Variants in PANK2 observed in about 807,000 individuals in gnomAD.
PANK2 encodes pantothenate kinase 2.
A neutral mutation model predicts 43.1 loss-of-function variants in PANK2; 36 were observed. The observed-to-expected ratio is 0.84, with a 90% CI of 0.64 to 1.10. The LOEUF (loss-of-function observed/expected upper bound fraction) is 1.10. Ranked by LOEUF, PANK2 falls within the 50% of genes least tolerant of loss-of-function variation. The pLI, the probability that PANK2 is intolerant of heterozygous loss-of-function variation, is 0.00. For synonymous variants in PANK2, 281 were observed against 238.2 expected, an observed-to-expected ratio of 1.18 and a Z score of -1.66; for missense variants, 576 against 593.3, an observed-to-expected ratio of 0.97 and a Z score of 0.30.
chr20:3,910,851 A>C, intron 3 of PANK2, 21 bp downstream of exon 3: 1 of 1,613,680 alleles, frequency 6.2e-7, no homozygotes, highest in Non-Finnish European at 8.5e-7. Context: ...TATAAAACTC[A>C]CTGTTTATTC....
intron 1 of PANK2, among the ~76,000 whole-genome samples, chr20:3,894,574 TTTTATTTA>T (rs554354693): frequency 3.2e-4 from 48 of 150,970 alleles, no homozygotes; most frequent in African/African-American, 1.1e-3. Context: ...TTTATCAACT[TTTTATTTA>T]TTTATTTATT....
At chr20:3,916,869 T>C in intron 4 of PANK2, 58 bp from the exon 5 acceptor site, 1 of 1,609,860 alleles carries the variant, frequency 6.2e-7, no homozygotes, top group Non-Finnish European at 8.5e-7. Context: ...AACATTCAAG[T>C]TCTGTTGGGC....
rs528149001 is a variant in PANK2 at position 3,889,480 on chromosome 20, G to C, written c.50G>C (p.Gly17Ala). ...CGACTGCTGCTGCGGATGGGAGGGG[G>C]CCGGCTCGGCGCGCCCATGGAGCGC... Residue 17 changes from glycine to alanine, a missense_variant, in exon 1 of 7, where the codon GGC (glycine) becomes GCC (alanine). Gly to Ala is a moderately conservative substitution (Grantham distance 60). This residue lies in a region of PANK2 where 544 missense variants were observed against 528.9 expected (regional missense o/e 1.03). Transcript: ENST00000610179. 3.3e-6 allele frequency: 5 copies of C among 1,493,914 alleles called. No individual in the cohort carries two copies. Among genetic ancestry groups the C allele is most frequent in the Non-Finnish European group, 4.4e-6 (5 of 1,131,138 alleles). 92.5% of individuals were successfully genotyped at this position (1,493,914 alleles called of 1,614,324 possible).
chr20:3,905,045 C>T lies in PANK2; in HGVS notation c.299-2881C>T, dbSNP rs77462853. Among the ~76,000 whole-genome samples the T allele has an allele frequency of 2.7e-3, 411 of 152,234 alleles. 9 individuals are homozygous for T. The East Asian group carries it at 0.047, about 18-fold the overall frequency. ...TGAGTGCCATCCTGATTCTGGGGCT[C>T]CAGTGCCTGTTTCCAGTGAAGACTT... On this transcript the variant is annotated intron_variant, in intron 1 of 6. Transcript: ENST00000610179.
At position 3,910,304 on chromosome 20, in the gene PANK2, T is replaced by TG. The variant is rs201525719; in HGVS notation, c.652-273_652-272insG. ...GTTGATAAATGCTGTGGTTTTTTTTTTTTGTTTTTTTTGTTTTTTTTTTGG... is the reference window on the plus strand; with the variant it reads ...GTTGATAAATGCTGTGGTTTTTTTTTGTTTGTTTTTTTTGTTTTTTTTTTGG... On this transcript the variant is annotated intron_variant, in intron 2 of 6. Transcript: ENST00000610179. 0.019 allele frequency among the ~76,000 whole-genome samples: 2,885 copies of TG among 151,026 alleles called. 59 individuals carry two copies. The highest frequency in any genetic ancestry group is 0.023 in the Non-Finnish European group (1,576 of 67,876).
intron 4 of PANK2, among the ~76,000 whole-genome samples, chr20:3,916,183 A>G (rs2090557030): frequency 6.6e-6 from 1 of 152,142 alleles, no homozygotes; most frequent in Non-Finnish European, 1.5e-5. Flanking sequence ...TATATCCGTA[A>G]GTGTTTTATT....
intron 1 of PANK2, among the ~76,000 whole-genome samples, chr20:3,899,099 C>G (rs1218232587): frequency 6.6e-6 from 1 of 151,722 alleles, no homozygotes; most frequent in African/African-American, 2.4e-5. Context: ...TGGTCTCAAA[C>G]TCCTGACCCC....
At chr20:3,893,564 G>C (rs773631268) in intron 1 of PANK2, among the ~76,000 whole-genome samples, 17 of 152,182 alleles carry the variant, frequency 1.1e-4, no homozygotes, top group Non-Finnish European at 2.1e-4. Flanking sequence ...CCACAGTAGT[G>C]TGGACAACAA....
At chr20:3,919,187 C>G (rs1466586355) in intron 6 of PANK2, among the ~76,000 whole-genome samples, 1 of 152,188 alleles carries the variant, frequency 6.6e-6, no homozygotes, top group Non-Finnish European at 1.5e-5. Flanking sequence ...TCCAGGATTA[C>G]AGGTGTGAAC....
intron 1 of PANK2, among the ~76,000 whole-genome samples, chr20:3,892,229 A>G (rs989180762): frequency 1.3e-5 from 2 of 152,098 alleles, no homozygotes; most frequent in Non-Finnish European, 2.9e-5. Context: ...CTGTAATCCC[A>G]GCTACTCAGG....
intron 4 of PANK2, among the ~76,000 whole-genome samples, chr20:3,914,051 AG>A (rs2090519627): frequency 6.6e-6 from 1 of 151,932 alleles, no homozygotes; most frequent in African/African-American, 2.4e-5. Flanking sequence ...GGCCTCCCAA[AG>A]TGCTGGGATT....
chr20:3,911,747 C>G (rs1015052825), intron 3 of PANK2, among the ~76,000 whole-genome samples: 1 of 152,062 alleles, frequency 6.6e-6, no homozygotes, highest in Admixed American at 6.6e-5. Flanking sequence ...CAAAATTAGC[C>G]GGGCGTGGTG....
At chr20:3,909,278 C>T (rs2090433068) in intron 2 of PANK2, among the ~76,000 whole-genome samples, 2 of 152,092 alleles carry the variant, frequency 1.3e-5, no homozygotes, top group Non-Finnish European at 2.9e-5. Flanking sequence ...CAGGGTTTCT[C>T]CATGTTGGTC....
intron 1 of PANK2, among the ~76,000 whole-genome samples, chr20:3,901,345 G>C (rs2090298160): frequency 6.6e-6 from 1 of 150,750 alleles, no homozygotes; most frequent in South Asian, 2.1e-4. Context: ...ACCACACCTG[G>C]CTGTTTTGTA....
upstream of PANK2, chr20:3,889,170 C>A (rs377348840): frequency 1.2e-6 from 2 of 1,605,164 alleles, no homozygotes; most frequent in South Asian, 2.2e-5. Context: ...TTCTGGGCTA[C>A]ACCGCCTTCT....
intron 2 of PANK2, among the ~76,000 whole-genome samples, chr20:3,908,539 G>A (rs1029939536): frequency 2.0e-5 from 3 of 152,094 alleles, no homozygotes; most frequent in African/African-American, 4.8e-5. Context: ...TCTGCTATAC[G>A]TTGAGGAAGA....
chr20:3,890,005 G>A, intron 1 of PANK2: 1 of 1,271,784 alleles, frequency 7.9e-7, no homozygotes, highest in Non-Finnish European at 1.1e-6. Context: ...AGCTCCTTGG[G>A]CATTCTCTTC....
At chr20:3,916,355 TTC>T (rs2090560055) in intron 4 of PANK2, among the ~76,000 whole-genome samples, 1 of 152,252 alleles carries the variant, frequency 6.6e-6, no homozygotes, top group Non-Finnish European at 1.5e-5. Context: ...GCTGTTGATT[TTC>T]TGTTTGTAAC....
At chr20:3,906,551 ATCT>A (rs2090388856) in intron 1 of PANK2, among the ~76,000 whole-genome samples, 1 of 152,226 alleles carries the variant, frequency 6.6e-6, no homozygotes, top group Admixed American at 6.5e-5. Flanking sequence ...GTTGGGCAAA[ATCT>A]TCTAGCATAA....
Sources: gnomAD v4.1 joint callset for allele counts (sites outside exome capture counted in the v4.1 genomes callset) on GRCh38, gnomAD v4.1.1 for gene constraint, gnomAD v4.1.1 regional missense constraint, MANE v1.5 for transcripts, NCBI Gene and HGNC (gene_info 2026-07-23, HGNC 2026-07-21) for gene names.